The following SOS2 variants were observed in gnomAD, a reference collection of about 807,000 sequenced individuals.
SOS2 encodes son of sevenless homolog 2.
Under a neutral mutation model 148.2 loss-of-function variants are expected in SOS2, and 65 were observed. That is an observed-to-expected ratio of 0.44 (90% CI 0.36 to 0.54). The LOEUF is 0.54. SOS2 is among the 20% of genes least tolerant of loss of function. The pLI is 0.00. For synonymous variants in SOS2, 539 were observed against 537.1 expected (o/e 1.00, Z -0.05); for missense variants, 1,341 against 1,590.2 (o/e 0.84, Z 2.67).
intron 18 of SOS2, among the ~76,000 whole-genome samples, chr14:50,134,849 G>A (rs1884021344): frequency 6.6e-6 from 1 of 151,958 alleles, no homozygotes; most frequent in African/African-American, 2.4e-5. Context: ...TGAGGTGGGT[G>A]GATCACCTGA....
At chr14:50,132,542 T>A (rs1883914913) in intron 19 of SOS2, among the ~76,000 whole-genome samples, 1 of 151,828 alleles carries the variant, frequency 6.6e-6, no homozygotes, top group South Asian at 2.1e-4. Context: ...ACACCTGTTA[T>A]CCCAGTTACG....
chr14:50,131,965 C>A (rs978669584), intron 19 of SOS2, among the ~76,000 whole-genome samples: 2 of 152,076 alleles, frequency 1.3e-5, no homozygotes, highest in African/African-American at 4.8e-5. Context: ...ACAATTCTGA[C>A]TGAAAAATTA....
At chr14:50,175,905 G>A (rs1161656853) in intron 7 of SOS2, among the ~76,000 whole-genome samples, 1 of 152,088 alleles carries the variant, frequency 6.6e-6, no homozygotes, top group Non-Finnish European at 1.5e-5. Flanking sequence ...TTATTATCCA[G>A]TAACCAAACT....
intron 8 of SOS2, among the ~76,000 whole-genome samples, chr14:50,174,002 T>C (rs2139677432): frequency 6.6e-6 from 1 of 152,292 alleles, no homozygotes; most frequent in South Asian, 2.1e-4. Context: ...GATTGCTTTT[T>C]AAAAATCCTT....
In SOS2 at chr14:50,134,143, A is replaced by G. The variant is rs1311191927; in HGVS notation, c.3055T>C (p.Cys1019Arg). 6.4e-7 allele frequency: 1 copy of G among 1,574,422 alleles called. No individual in the cohort carries two copies. Among genetic ancestry groups the G allele is most frequent in the Non-Finnish European group, 8.7e-7 (1 of 1,146,322 alleles). ...CTTACAAATCGAGGTGGCTGTTTGC[A>G]GTTTCGAGGTTCAATTTCTAGTGAC... ...NKSLEIEPRN[C>R]KQPPRFPRKS... The change falls in exon 19 of 23, where the codon TGC becomes CGC. Residue 1019 changes from cysteine (C) to arginine (R), a missense_variant. By Grantham distance (180) the Cys-to-Arg change is radical (BLOSUM62 -3). Transcript: ENST00000216373.
chr14:50,142,091 T>C (rs1329751688), intron 16 of SOS2, among the ~76,000 whole-genome samples: 1 of 151,640 alleles, frequency 6.6e-6, no homozygotes, highest in East Asian at 1.9e-4. Flanking sequence ...CACTGGAACC[T>C]CTGCCTCCCG....
intron 1 of SOS2, among the ~76,000 whole-genome samples, chr14:50,214,480 T>A (rs1886980584): frequency 6.6e-6 from 1 of 152,120 alleles, no homozygotes; most frequent in African/African-American, 2.4e-5. Flanking sequence ...AGCCATACAT[T>A]TCTAATAGAT....
At chr14:50,146,823 G>T (rs1322239385) in intron 14 of SOS2, among the ~76,000 whole-genome samples, 3 of 152,088 alleles carry the variant, frequency 2.0e-5, no homozygotes, top group Non-Finnish European at 4.4e-5. Flanking sequence ...TGTATTCATT[G>T]ACTTGAACAA....
intron 1 of SOS2, among the ~76,000 whole-genome samples, chr14:50,224,342 C>T (rs1157044832): frequency 2.0e-5 from 3 of 146,458 alleles, no homozygotes; most frequent in African/African-American, 5.1e-5. Context: ...CACACACACA[C>T]ACACACACAC....
chr14:50,124,863 T>C (rs1883634604), intron 21 of SOS2, among the ~76,000 whole-genome samples: 1 of 152,136 alleles, frequency 6.6e-6, no homozygotes, highest in African/African-American at 2.4e-5. Flanking sequence ...TCTTTGGGGA[T>C]TTATTTTAGA....
At chr14:50,136,855 G>C (rs1333810143) in intron 18 of SOS2, among the ~76,000 whole-genome samples, 2 of 152,104 alleles carry the variant, frequency 1.3e-5, no homozygotes, top group African/African-American at 4.8e-5. Flanking sequence ...CTCTCAAAGT[G>C]CTGGATTTAC....
rs768174418 is a variant in SOS2 at position 50,150,203 on chromosome 14, G to A, written c.2189C>T (p.Ser730Leu). 1 of 1,611,886 alleles carries A rather than the reference G, an allele frequency of 6.2e-7. No individual in the cohort carries two copies. Residue 730 changes from serine to leucine, a missense_variant, in exon 14 of 23, where the codon TCA becomes TTA. Ser to Leu is a moderately radical substitution (Grantham distance 145, BLOSUM62 -2). Transcript: ENST00000216373. ...CTTCCTCCTGATGATCTTAGCAATT[G>A]ACTCTACCCATTTTTTCATAGCTTT... ...RGKAMKKWVE[S>L]IAKIIRRKKQ...
At chr14:50,167,555 C>A (rs998959688) in intron 8 of SOS2, among the ~76,000 whole-genome samples, 4 of 148,034 alleles carry the variant, frequency 2.7e-5, no homozygotes. Context: ...GGAATGATAA[C>A]AAGCAAATGT....
At position 50,159,582 on chromosome 14, in the gene SOS2, T is replaced by TTGCTC; in HGVS notation, c.1700_1701insGAGCA (p.Pro568SerfsTer11). 6.2e-7 allele frequency: 1 copy of TTGCTC among 1,614,054 alleles called. No homozygotes were observed. Among genetic ancestry groups the TTGCTC allele is most frequent in the Non-Finnish European group, 8.5e-7 (1 of 1,179,952 alleles). On this transcript the variant is annotated frameshift_variant, in exon 10 of 23. Coordinates refer to ENST00000216373, the MANE Select transcript of SOS2 (RefSeq NM_006939.4). LOFTEE classifies it high-confidence loss of function. ...CAAAACGATATACTTCAGGACTTGGTAATCTCAGTGGTTGCTCATTTTCTT... is the reference window on the plus strand; with the variant it reads ...CAAAACGATATACTTCAGGACTTGGTTGCTCAATCTCAGTGGTTGCTCATTTTCTT...
At chr14:50,225,411 T>C (rs1236393320) in intron 1 of SOS2, among the ~76,000 whole-genome samples, 1 of 152,234 alleles carries the variant, frequency 6.6e-6, no homozygotes, top group Non-Finnish European at 1.5e-5. Context: ...AGACATATAG[T>C]TGATTTATGT....
At position 50,147,380 on chromosome 14, in the gene SOS2, T is replaced by C. The variant is rs201867576; in HGVS notation, c.2385-1784A>G. Among the ~76,000 whole-genome samples, 6 of 151,856 alleles carry C rather than the reference T, an allele frequency of 4.0e-5. No individual in the cohort carries two copies. In the East Asian group the frequency reaches 1.2e-3, roughly 29 times the overall value. ...TAAAAAAATTAGCCAGGTATGGTGG[T>C]GCGTGCCTGTAGTTCTAGCTACTCG... On this transcript the variant is annotated intron_variant, in intron 14 of 22. Transcript: ENST00000216373.
chr14:50,146,618 G>A (rs1372914702), intron 14 of SOS2, among the ~76,000 whole-genome samples: 1 of 152,154 alleles, frequency 6.6e-6, no homozygotes, highest in Non-Finnish European at 1.5e-5. Flanking sequence ...CTGCACTCCA[G>A]CCTGGGCAAC....
At chr14:50,226,620 T>C (rs1887386129) in intron 1 of SOS2, among the ~76,000 whole-genome samples, 1 of 152,216 alleles carries the variant, frequency 6.6e-6, no homozygotes, top group Admixed American at 6.5e-5. Context: ...GAGGTCGATA[T>C]TTAACCTGAA....
chr14:50,200,281 G>C (rs570704613), intron 3 of SOS2, among the ~76,000 whole-genome samples: 5 of 151,932 alleles, frequency 3.3e-5, no homozygotes, highest in Admixed American at 1.3e-4. Context: ...GGCGGGGCGG[G>C]GGGGGCTTGA....
Sources: allele counts gnomAD v4.1 joint callset (sites outside exome capture counted in the v4.1 genomes callset), GRCh38; gene constraint gnomAD v4.1.1; transcripts MANE v1.5; gene names NCBI Gene and HGNC (gene_info 2026-07-23, HGNC 2026-07-21).